Variants in RYR3 observed in about 807,000 individuals in gnomAD.
RYR3 encodes brain ryanodine receptor-calcium release channel.
Under a neutral mutation model 584.3 loss-of-function variants are expected in RYR3, and 207 were observed. That is an observed-to-expected ratio of 0.35 (90% CI 0.32 to 0.40). The LOEUF is 0.40. Among genes scored for constraint, RYR3 ranks in the 10% least tolerant of loss-of-function variants. RYR3 has a pLI of 1.00. For missense variants in RYR3, 5,616 were observed against 6,089.2 expected (o/e 0.92, Z 2.59); for synonymous variants, 2,416 against 2,248.5 (o/e 1.07, Z -2.11).
chr15:33,751,268 T>C (rs533290694), intron 57 of RYR3, among the ~76,000 whole-genome samples: 1 of 152,354 alleles, frequency 6.6e-6, no homozygotes, highest in South Asian at 2.1e-4. Context: ...GATTGCTGGG[T>C]TAAATGGTAT....
intron 3 of RYR3, among the ~76,000 whole-genome samples, chr15:33,509,134 G>T (rs1029722087): frequency 6.6e-6 from 1 of 152,142 alleles, no homozygotes; most frequent in Non-Finnish European, 1.5e-5. Flanking sequence ...CATTAAAAAA[G>T]AATTGGCTAA....
At chr15:33,510,535 T>C (rs2052886492) in intron 3 of RYR3, among the ~76,000 whole-genome samples, 1 of 152,174 alleles carries the variant, frequency 6.6e-6, no homozygotes, top group Non-Finnish European at 1.5e-5. Flanking sequence ...AGGAGAATTT[T>C]ACAAAATCCA....
chr15:33,550,353 A>G, intron 10 of RYR3, 37 bp downstream of exon 10: 1 of 1,580,710 alleles, frequency 6.3e-7, no homozygotes, highest in Non-Finnish European at 8.6e-7. Flanking sequence ...CCCTGTTCTA[A>G]AAGTGAAAAC....
At chr15:33,474,703 A>G (rs1006106264) in intron 2 of RYR3, among the ~76,000 whole-genome samples, 5 of 152,202 alleles carry the variant, frequency 3.3e-5, no homozygotes, top group Non-Finnish European at 7.3e-5. Flanking sequence ...AAAAAAACCG[A>G]AAACAAAAAT....
intron 1 of RYR3, among the ~76,000 whole-genome samples, chr15:33,413,011 A>C (rs550733367): frequency 1.3e-5 from 2 of 152,236 alleles, no homozygotes; most frequent in African/African-American, 4.8e-5. Context: ...CTGAAAGACA[A>C]CTGTACCATC....
rs1171648016 is a variant in RYR3, at chr15:33,550,282, C to A, written c.938C>A (p.Thr313Asn). 5 of 1,613,438 alleles carry A rather than the reference C, an allele frequency of 3.1e-6. No individual in the cohort carries two copies. Among genetic ancestry groups the A allele is most frequent in the Non-Finnish European group, 2.5e-6 (3 of 1,179,688 alleles). Reference sequence around the variant, plus strand: ...CTGCAAGACCGGGCAAAGTCAGACACCAAGTCCACAGCTTTCTCTTTCCGG... The same window carrying A: ...CTGCAAGACCGGGCAAAGTCAGACAACAAGTCCACAGCTTTCTCTTTCCGG... ...LILQDRAKSDTKSTAFSFRAS... is the reference protein window; with the variant it reads ...LILQDRAKSDNKSTAFSFRAS... Residue 313 changes from threonine (T) to asparagine (N), a missense_variant, in exon 10 of 104, where the codon ACC becomes AAC. By Grantham distance (65) the Thr-to-Asn change is moderately conservative (BLOSUM62 0). Transcript: ENST00000634891.
chr15:33,416,586 A>T (rs2043826575), intron 1 of RYR3, among the ~76,000 whole-genome samples: 1 of 152,140 alleles, frequency 6.6e-6, no homozygotes, highest in African/African-American at 2.4e-5. Flanking sequence ...TCTGGATATT[A>T]GTCCTTTGTC....
At chr15:33,367,938 C>A (rs1304509920) in intron 1 of RYR3, among the ~76,000 whole-genome samples, 1 of 152,092 alleles carries the variant, frequency 6.6e-6, no homozygotes, top group Admixed American at 6.5e-5. Flanking sequence ...AATGAATAAT[C>A]CTCTGCATTA....
chr15:33,441,434 C>T (rs768814783), intron 1 of RYR3, among the ~76,000 whole-genome samples: 4 of 152,102 alleles, frequency 2.6e-5, no homozygotes, highest in South Asian at 2.1e-4. Flanking sequence ...ACTTAATTTT[C>T]GTGACAGCCT....
chr15:33,591,381 G>C (rs150365750), intron 16 of RYR3, among the ~76,000 whole-genome samples: 113 of 152,248 alleles, frequency 7.4e-4, no homozygotes, highest in African/African-American at 2.4e-3. Context: ...GGTAGGGACT[G>C]TCTTTGTAAT....
Position 33,816,928 on chromosome 15 carries a change from CT to C in RYR3, c.10572del (p.Phe3524LeufsTer5). The part of the protein sequence containing the change: ...RFWIETEEYS[F>X]EEKLVQDLAK... Reference sequence around the variant, plus strand: ...TTTGGATAGAAACAGAGGAGTATTCCTTTGAAGAGAAACTAGTACAGGATTT... The same window carrying C: ...TTTGGATAGAAACAGAGGAGTATTCCTTGAAGAGAAACTAGTACAGGATTT... On this transcript the variant is annotated frameshift_variant, in exon 75 of 104. Transcript: ENST00000634891. LOFTEE classifies it high-confidence loss of function. 6.2e-7 allele frequency: 1 copy of C among 1,610,708 alleles called. No individual in the cohort carries two copies. The highest frequency in any genetic ancestry group is 8.5e-7 in the Non-Finnish European group (1 of 1,177,978).
At chr15:33,651,080 C>T (rs1242019577) in intron 31 of RYR3, among the ~76,000 whole-genome samples, 1 of 152,202 alleles carries the variant, frequency 6.6e-6, no homozygotes, top group Non-Finnish European at 1.5e-5. Flanking sequence ...TTTATCTGAG[C>T]CTCAGTGGCC....
At chr15:33,566,569 T>C in intron 11 of RYR3, 109 bp from the exon 12 acceptor site, 1 of 1,206,422 alleles carries the variant, frequency 8.3e-7, no homozygotes, top group Non-Finnish European at 1.2e-6. Context: ...CAAGAGAGCT[T>C]ATTTGGAGAA....
At chr15:33,406,678 A>T (rs2043042589) in intron 1 of RYR3, among the ~76,000 whole-genome samples, 1 of 152,180 alleles carries the variant, frequency 6.6e-6, no homozygotes, top group African/African-American at 2.4e-5. Flanking sequence ...GTTCTGTATG[A>T]TCAGTTTGAA....
At chr15:33,539,284 C>T (rs977057325) in intron 5 of RYR3, 66 bp from the exon 6 acceptor site, 2 of 1,028,044 alleles carry the variant, frequency 1.9e-6, no homozygotes, top group African/African-American at 1.6e-5. Flanking sequence ...GGAAGGAGAA[C>T]AAGGAGCAAA....
intron 1 of RYR3, among the ~76,000 whole-genome samples, chr15:33,380,812 CTT>C (rs2041130263): frequency 6.6e-6 from 1 of 152,220 alleles, no homozygotes; most frequent in Non-Finnish European, 1.5e-5. Context: ...CCAGAAATGT[CTT>C]TAGCTTGCAA....
intron 60 of RYR3, among the ~76,000 whole-genome samples, chr15:33,761,411 A>G (rs1567116107): frequency 2.0e-5 from 3 of 152,230 alleles, no homozygotes; most frequent in African/African-American, 7.2e-5. Flanking sequence ...AAAATGATAA[A>G]GGGGATATCA....
chr15:33,360,447 C>T (rs552580866), intron 1 of RYR3, among the ~76,000 whole-genome samples: 6 of 152,100 alleles, frequency 3.9e-5, no homozygotes, highest in Admixed American at 1.3e-4. Flanking sequence ...ACGGCATGTA[C>T]CAGAAGTTTA....
chr15:33,663,191 G>T (rs2063270760), intron 35 of RYR3, among the ~76,000 whole-genome samples: 1 of 152,180 alleles, frequency 6.6e-6, no homozygotes, highest in African/African-American at 2.4e-5. Context: ...GAAAGATGGA[G>T]AGAAGGACAA....
Sources: gnomAD v4.1 joint callset for allele counts (sites outside exome capture counted in the v4.1 genomes callset) on GRCh38, gnomAD v4.1.1 for gene constraint, MANE v1.5 for transcripts, NCBI Gene and HGNC (gene_info 2026-07-23, HGNC 2026-07-21) for gene names.